Variants in VWA1 observed in about 807,000 individuals in gnomAD.
VWA1 encodes the protein von Willebrand factor A domain-containing protein 1.
VWA1 carries 12 observed loss-of-function variants against 14.9 expected under a neutral mutation model. The ratio of observed to expected loss-of-function variants is 0.80; its 90% CI spans 0.52 to 1.30. VWA1 has a LOEUF of 1.30. Among genes scored for constraint, VWA1 ranks in the 50% most tolerant of loss-of-function variants. The pLI is 0.00. For synonymous variants in VWA1, 368 were observed against 310.7 expected (o/e 1.18, Z -1.94); for missense variants, 800 against 649.1 (o/e 1.23, Z -2.53).
At chr1:1,437,506 C>T (rs1199609846) in intron 2 of VWA1, 22 bp downstream of exon 2, 12 of 1,580,780 alleles carry the variant, frequency 7.6e-6, no homozygotes, top group Non-Finnish European at 1.0e-5. Flanking sequence ...GAGGCAGGGC[C>T]CAGGGAGCCC....
chr1:1,436,685 T>G, intron 1 of VWA1: 5 of 467,050 alleles, frequency 1.1e-5, no homozygotes, highest in South Asian at 3.5e-5. Flanking sequence ...GAGCGGAGAG[T>G]CGCCCTCTCA....
chr1:1,440,420 C>T lies in VWA1; in HGVS notation c.*633C>T, dbSNP rs1246559962. ...TGGGGCAGAGCTGGGCATTCAGGACCTTGAGGACACGTGACCCCACCCGCC... is the reference window on the plus strand; with the variant it reads ...TGGGGCAGAGCTGGGCATTCAGGACTTTGAGGACACGTGACCCCACCCGCC... On this transcript the variant is annotated 3_prime_UTR_variant, in exon 3 of 3. Transcript: ENST00000476993. The T allele has an allele frequency of 1.2e-5, 2 of 167,018 alleles. No individual in the cohort carries two copies. Among genetic ancestry groups the T allele is most frequent in the Admixed American group, 6.5e-5 (1 of 15,302 alleles). 10.3% of individuals were successfully genotyped at this position (167,018 alleles called of 1,614,324 possible).
At position 1,440,807 on chromosome 1, in the gene VWA1, G is replaced by A; in HGVS notation, c.*1020G>A. 1 of 153,984 alleles carries A rather than the reference G, an allele frequency of 6.5e-6. No individual in the cohort carries two copies. 9.5% of individuals were successfully genotyped at this position (153,984 alleles called of 1,614,324 possible). ...AGGATGCTTTACTCCTCCACAAACA[G>A]CAGCCGCCGACAGGACAGCTTGTGA... is the stretch of plus-strand genomic sequence containing the variant. On this transcript the variant is annotated 3_prime_UTR_variant, in exon 3 of 3. Coordinates refer to ENST00000476993, the MANE Select transcript of VWA1 (RefSeq NM_022834.5).
Position 1,439,690 on chromosome 1 carries a change from C to A in VWA1, c.1241C>A (p.Ala414Glu). Residue 414 changes from alanine (A) to glutamate (E), a missense_variant, in exon 3 of 3, where the codon GCG becomes GAG. Physicochemically the swap from Ala to Glu is moderately radical, Grantham distance 107. Coordinates refer to ENST00000476993, the MANE Select transcript of VWA1 (RefSeq NM_022834.5). ...GCCTTCCGCTCGGGCCGCGAGAGCG[C>A]GCTGTCCGCCAAGGCCTGCACGCCC... is the stretch of plus-strand genomic sequence containing the variant. ...TAAFRSGRESALSAKACTPDG... is the reference protein window; with the variant it reads ...TAAFRSGRESELSAKACTPDG... The A allele has an allele frequency of 7.8e-7, 1 of 1,275,546 alleles. No individual in the cohort carries two copies. Among genetic ancestry groups the A allele is most frequent in the Non-Finnish European group, 1.0e-6 (1 of 1,001,350 alleles). 79.0% of individuals were successfully genotyped at this position (1,275,546 alleles called of 1,614,324 possible). A position where few individuals can be genotyped will look rare whatever the true frequency, so the allele number is the denominator to read the frequency against.
In VWA1 at chr1:1,439,763, G is replaced by GGGGACCGCCAGCC; in HGVS notation, c.1316_1328dup (p.Glu444AspfsTer5). The stretch of plus-strand genomic sequence containing the variant: ...GCCCCGTGCCCCGCGCCCCGACCCC[G>GGGGACCGCCAGCC]GGGACCGCCAGCCGTGAGCCGTAAG... On this transcript the variant is annotated frameshift_variant, in exon 3 of 3. Transcript: ENST00000476993. LOFTEE classifies it high-confidence loss of function. 1.8e-6 allele frequency: 2 copies of GGGGACCGCCAGCC among 1,083,692 alleles called. No homozygotes were observed. Among genetic ancestry groups the GGGGACCGCCAGCC allele is most frequent in the South Asian group, 4.0e-5 (1 of 25,262 alleles). 67.1% of individuals were successfully genotyped at this position (1,083,692 alleles called of 1,614,324 possible).
Position 1,435,726 on chromosome 1 carries a change from G to T in VWA1, c.-23G>T. On this transcript the variant is annotated 5_prime_UTR_variant, in exon 1 of 3. Coordinates refer to ENST00000476993, the MANE Select transcript of VWA1 (RefSeq NM_022834.5). ...AGCGAGCGAGCGAGCGAGTTGCCGA[G>T]CGCGCCCCGTCCCTCGCGCGCGATG... 1 of 1,199,798 alleles carries T rather than the reference G, an allele frequency of 8.3e-7. No homozygotes were observed. Among genetic ancestry groups the T allele is most frequent in the Non-Finnish European group, 1.0e-6 (1 of 960,722 alleles). 74.3% of individuals were successfully genotyped at this position (1,199,798 alleles called of 1,614,324 possible).
rs760947905 is a variant in VWA1, at chr1:1,437,371, G to A, written c.518G>A (p.Gly173Asp). The change falls in exon 2 of 3, where the codon GGC (glycine) becomes GAC (aspartate). Residue 173 changes from glycine to aspartate, a missense_variant. By Grantham distance (94) the Gly-to-Asp change is moderately conservative. Coordinates refer to ENST00000476993, the MANE Select transcript of VWA1 (RefSeq NM_022834.5). Reference protein sequence around the residue: ...VTVFIVSTGRGNFLELSAAAS... With the variant: ...VTVFIVSTGRDNFLELSAAAS... ...GTGTTCATTGTCAGCACCGGCCGAGGCAACTTCCTGGAGCTGTCAGCCGCT... is the reference window on the plus strand; with the variant it reads ...GTGTTCATTGTCAGCACCGGCCGAGACAACTTCCTGGAGCTGTCAGCCGCT... 8.1e-6 allele frequency: 13 copies of A among 1,612,814 alleles called. No individual in the cohort carries two copies. The highest frequency in any genetic ancestry group is 1.1e-5 in the Non-Finnish European group (13 of 1,179,986).
chr1:1,435,790 G>T lies in VWA1; in HGVS notation c.42G>T (p.Arg14=). The change falls in exon 1 of 3, where the codon CGG becomes CGT. Residue 14 remains arginine, a synonymous_variant. Coordinates refer to ENST00000476993, the MANE Select transcript of VWA1 (RefSeq NM_022834.5). Reference sequence around the variant, plus strand: ...CGCTCGGCCTGGCCCTGAGCTTGCGGCTGGCGCTGGCGCGGAGCGGCGCGG... The same window carrying T: ...CGCTCGGCCTGGCCCTGAGCTTGCGTCTGGCGCTGGCGCGGAGCGGCGCGG... ...WTALGLALSL[R]LALARSGAER... 6.6e-6 allele frequency: 8 copies of T among 1,207,764 alleles called. No homozygotes were observed. Among genetic ancestry groups the T allele is most frequent in the Non-Finnish European group, 8.3e-6 (8 of 968,842 alleles). 74.8% of individuals were successfully genotyped at this position (1,207,764 alleles called of 1,614,324 possible).
At position 1,441,360 on chromosome 1, in the gene VWA1, C is replaced by T. The variant is rs1333991984; in HGVS notation, c.*1573C>T. 1.3e-5 allele frequency: 2 copies of T among 152,304 alleles called. No individual in the cohort carries two copies. The highest frequency in any genetic ancestry group is 1.9e-4 in the East Asian group (1 of 5,194). 9.4% of individuals were successfully genotyped at this position (152,304 alleles called of 1,614,324 possible). Reference sequence around the variant, plus strand: ...GGGCCGGCTGGGGCCAGGCTCACCACGCAGAGTTTGCCCTCCGGTGTGATG... The same window carrying T: ...GGGCCGGCTGGGGCCAGGCTCACCATGCAGAGTTTGCCCTCCGGTGTGATG... On this transcript the variant is annotated 3_prime_UTR_variant, in exon 3 of 3. Coordinates refer to ENST00000476993, the MANE Select transcript of VWA1 (RefSeq NM_022834.5).
At chr1:1,437,774 C>T (rs1389884442) in intron 2 of VWA1, among the ~76,000 whole-genome samples, 1 of 152,168 alleles carries the variant, frequency 6.6e-6, no homozygotes, top group Non-Finnish European at 1.5e-5. Flanking sequence ...GTGCAGAGCC[C>T]GGGTGTAGGC....
Position 1,436,988 on chromosome 1 carries a change from C to G in VWA1, c.135C>G (p.Val45=). The G allele has an allele frequency of 6.2e-7, 1 of 1,612,664 alleles. No individual in the cohort carries two copies. Among genetic ancestry groups the G allele is most frequent in the Non-Finnish European group, 8.5e-7 (1 of 1,179,906 alleles). Residue 45 remains valine, a synonymous_variant, in exon 2 of 3, where the codon GTC becomes GTG. Transcript: ENST00000476993. ...LMFLLDSSAS[V]SHYEFSRVRE... is the part of the protein sequence containing the mutation. Reference sequence around the variant, plus strand: ...TCCTGCTGGACAGCTCAGCCAGCGTCTCTCACTACGAGTTCTCCCGGGTTC... The same window carrying G: ...TCCTGCTGGACAGCTCAGCCAGCGTGTCTCACTACGAGTTCTCCCGGGTTC...
At position 1,437,425 on chromosome 1, in the gene VWA1, A is replaced by T; in HGVS notation, c.572A>T (p.His191Leu). 1 of 1,612,686 alleles carries T rather than the reference A, an allele frequency of 6.2e-7. No individual in the cohort carries two copies. Among genetic ancestry groups the T allele is most frequent in the Admixed American group, 1.7e-5 (1 of 60,022 alleles). Residue 191 changes from histidine (H) to leucine (L), a missense_variant, in exon 2 of 3, where the codon CAC becomes CTC. Coordinates refer to ENST00000476993, the MANE Select transcript of VWA1 (RefSeq NM_022834.5). Reference sequence around the variant, plus strand: ...TCAGCCCCTGCCGAGAAGCACCTGCACTTTGTGGACGTGGATGACCTGCAC... The same window carrying T: ...TCAGCCCCTGCCGAGAAGCACCTGCTCTTTGTGGACGTGGATGACCTGCAC... Reference protein sequence around the residue: ...AASAPAEKHLHFVDVDDLHII... With the variant: ...AASAPAEKHLLFVDVDDLHII...
At position 1,439,695 on chromosome 1, in the gene VWA1, T is replaced by C. The variant is rs1321330505; in HGVS notation, c.1246T>C (p.Ser416Pro). The C allele has an allele frequency of 7.9e-7, 1 of 1,267,238 alleles. No homozygotes were observed. The allele number at this position is 1,267,238 out of a possible 1,614,324, so 78.5% of individuals were successfully genotyped here. A position where few individuals can be genotyped will look rare whatever the true frequency, so the allele number is the denominator to read the frequency against. The change falls in exon 3 of 3, where the codon TCC (serine) becomes CCC (proline). Residue 416 changes from serine (S) to proline (P), a missense_variant. Ser to Pro is a moderately conservative substitution (Grantham distance 74, BLOSUM62 -1). Transcript: ENST00000476993. ...AFRSGRESALSAKACTPDGPR... is the reference protein window; with the variant it reads ...AFRSGRESALPAKACTPDGPR... ...CCGCTCGGGCCGCGAGAGCGCGCTGTCCGCCAAGGCCTGCACGCCCGACGG... is the reference window on the plus strand; with the variant it reads ...CCGCTCGGGCCGCGAGAGCGCGCTGCCCGCCAAGGCCTGCACGCCCGACGG...
rs762656228 is a variant in VWA1, at chr1:1,439,182, C to G, written c.733C>G (p.Leu245Val). ...LLTADSGYYV[L>V]ELVPSAQPGA... ...GACCGCAGACTCGGGCTACTATGTG[C>G]TGGAGCTGGTGCCCAGCGCCCAGCC... Residue 245 changes from leucine (L) to valine (V), a missense_variant, in exon 3 of 3, where the codon CTG (leucine) becomes GTG (valine). Leu to Val is a conservative substitution (Grantham distance 32). Transcript: ENST00000476993. 1.9e-6 allele frequency: 3 copies of G among 1,605,772 alleles called. No individual in the cohort carries two copies. The highest frequency in any genetic ancestry group is 2.5e-6 in the Non-Finnish European group (3 of 1,179,392).
At position 1,437,057 on chromosome 1, in the gene VWA1, C is replaced by T. The variant is rs748314619; in HGVS notation, c.204C>T (p.Thr68=). The T allele has an allele frequency of 3.0e-5, 48 of 1,610,420 alleles. No homozygotes were observed. Among genetic ancestry groups the T allele is most frequent in the Admixed American group, 2.7e-4 (16 of 59,700 alleles). Residue 68 remains threonine (T), a synonymous_variant, in exon 2 of 3, where the codon ACC becomes ACT. Transcript: ENST00000476993. ...TGGTGGCTCCACTGCCCCTGGGCAC[C>T]GGGGCCCTGCGTGCCAGTCTGGTGC... The part of the protein sequence containing the change: ...GQLVAPLPLG[T]GALRASLVHV...
Position 1,437,412 on chromosome 1 carries a change from G to C in VWA1, c.559G>C (p.Glu187Gln), listed in dbSNP as rs534874903. Reference protein sequence around the residue: ...ELSAAASAPAEKHLHFVDVDD... With the variant: ...ELSAAASAPAQKHLHFVDVDD... ...GTCAGCCGCTGCCTCAGCCCCTGCC[G>C]AGAAGCACCTGCACTTTGTGGACGT... The change falls in exon 2 of 3, where the codon GAG (glutamate) becomes CAG (glutamine). Residue 187 changes from glutamate to glutamine, a missense_variant. By Grantham distance (29) the Glu-to-Gln change is conservative. Transcript: ENST00000476993. The C allele has an allele frequency of 1.2e-6, 2 of 1,612,792 alleles. No individual in the cohort carries two copies. The highest frequency in any genetic ancestry group is 2.2e-5 in the East Asian group (1 of 44,892).
chr1:1,440,087 C>T lies in VWA1; in HGVS notation c.*300C>T, dbSNP rs1207838892. On this transcript the variant is annotated 3_prime_UTR_variant, in exon 3 of 3. Transcript: ENST00000476993. Reference sequence around the variant, plus strand: ...TGAGAGCGTCAGACCCAGGACTGTTCAGGGAGGAGCCCCGGTCAGACTCCC... The same window carrying T: ...TGAGAGCGTCAGACCCAGGACTGTTTAGGGAGGAGCCCCGGTCAGACTCCC... 1 of 180,668 alleles carries T rather than the reference C, an allele frequency of 5.5e-6. No homozygotes were observed. The highest frequency in any genetic ancestry group is 2.0e-4 in the South Asian group (1 of 4,998). 11.2% of individuals were successfully genotyped at this position (180,668 alleles called of 1,614,324 possible).
chr1:1,436,031 C>A (rs1311654599), intron 1 of VWA1, among the ~76,000 whole-genome samples: 1 of 152,056 alleles, frequency 6.6e-6, no homozygotes, highest in African/African-American at 2.4e-5. Flanking sequence ...AGCGCCGGGG[C>A]ATAGGGGCCG....
intron 1 of VWA1, among the ~76,000 whole-genome samples, chr1:1,436,478 G>C (rs1570120881): frequency 1.3e-5 from 2 of 152,354 alleles, no homozygotes; most frequent in African/African-American, 4.8e-5. Flanking sequence ...ACCTTCCCCT[G>C]CTGCTGTGTG....
Sources: gnomAD v4.1 joint callset for allele counts (sites outside exome capture counted in the v4.1 genomes callset) on GRCh38, gnomAD v4.1.1 for gene constraint, MANE v1.5 for transcripts, NCBI Gene and HGNC (gene_info 2026-07-23, HGNC 2026-07-21) for gene names.